The following HS6ST2 variants were observed in gnomAD, a reference collection of about 807,000 sequenced individuals.
HS6ST2 encodes the protein heparan sulfate 6-O-sulfotransferase 2, also known as heparan-sulfate 6-O-sulfotransferase 2.
In HS6ST2, 17 loss-of-function variants were observed where a neutral mutation model predicts 33.0. That is an observed-to-expected ratio of 0.52 (90% CI 0.35 to 0.77). The LOEUF (loss-of-function observed/expected upper bound fraction) is 0.77. Ranked by LOEUF, HS6ST2 falls within the 30% of genes least tolerant of loss-of-function variation. The pLI, the probability that HS6ST2 is intolerant of heterozygous loss-of-function variation, is 0.01. For synonymous variants in HS6ST2, 248 were observed against 237.1 expected (o/e 1.05, Z -0.42); for missense variants, 519 against 551.7 (o/e 0.94, Z 0.59).
At chrX:132,680,882 C>T (rs957345089) in intron 3 of HS6ST2, among the ~76,000 whole-genome samples, 1 of 110,225 alleles carries the variant, frequency 9.1e-6, no homozygotes, top group Non-Finnish European at 1.9e-5. Context: ...GCCTGTATTC[C>T]CAGCTACTTG....
intron 2 of HS6ST2, among the ~76,000 whole-genome samples, chrX:132,767,189 C>CG: frequency 8.9e-6 from 1 of 112,461 alleles, no homozygotes; most frequent in South Asian, 3.7e-4. Context: ...CAAGGGGCAA[C>CG]GCCACCGCTG....
intron 2 of HS6ST2, among the ~76,000 whole-genome samples, chrX:132,771,304 T>C (rs2064896645): frequency 8.9e-6 from 1 of 112,200 alleles, no homozygotes; most frequent in Middle Eastern, 4.6e-3. Context: ...TAGTATTTTA[T>C]GGATGTTTAA....
chrX:132,640,381 G>C (rs2063593779), intron 4 of HS6ST2, among the ~76,000 whole-genome samples: 1 of 111,130 alleles, frequency 9.0e-6, no homozygotes, highest in Non-Finnish European at 1.9e-5. Flanking sequence ...GTGCGTGTAT[G>C]GTGGTGGGGT....
chrX:132,921,787 A>C (rs1303142941), intron 2 of HS6ST2, among the ~76,000 whole-genome samples: 2 of 112,202 alleles, frequency 1.8e-5, no homozygotes, highest in Non-Finnish European at 3.8e-5. Context: ...TCCTGCTTTC[A>C]TCCTGGAGTT....
At chrX:132,684,855 G>C (rs1004591426) in intron 3 of HS6ST2, among the ~76,000 whole-genome samples, 1 of 111,741 alleles carries the variant, frequency 8.9e-6, no homozygotes, top group Admixed American at 9.5e-5. Flanking sequence ...TCTAGCACTT[G>C]TTTTCTTTTA....
chrX:132,840,157 T>A (rs1411642078), intron 2 of HS6ST2, among the ~76,000 whole-genome samples: 1 of 111,377 alleles, frequency 9.0e-6, no homozygotes, highest in African/African-American at 3.3e-5. Flanking sequence ...GCAGAAGTAG[T>A]AAGAGCAGCT....
intron 2 of HS6ST2, among the ~76,000 whole-genome samples, chrX:132,880,616 C>CT (rs200378896): frequency 1.9e-5 from 2 of 107,665 alleles, no homozygotes; most frequent in African/African-American, 6.7e-5. Flanking sequence ...TAACCAACAA[C>CT]TTTTTTTTTC....
At chrX:132,904,904 G>C (rs763708309) in intron 2 of HS6ST2, among the ~76,000 whole-genome samples, 39 of 110,287 alleles carry the variant, frequency 3.5e-4, no homozygotes, top group Non-Finnish European at 4.4e-4. Flanking sequence ...CAGTACCAAG[G>C]CTTGGTGCTT....
At position 132,826,060 on chromosome X, in the gene HS6ST2, C is replaced by T. The variant is rs188109274; in HGVS notation, c.948-117566G>A. Among the ~76,000 whole-genome samples the T allele has an allele frequency of 5.3e-5, 6 of 112,485 alleles. No homozygotes were observed. The East Asian group carries it at 1.7e-3, about 32-fold the overall frequency. On this transcript the variant is annotated intron_variant, in intron 2 of 4. Transcript: ENST00000370833. Reference sequence around the variant, plus strand: ...AGTCCTAAGCTGCCAGAATCACTTGCTTGAGAATTAATCACAAAAACTGCC... The same window carrying T: ...AGTCCTAAGCTGCCAGAATCACTTGTTTGAGAATTAATCACAAAAACTGCC...
At chrX:132,814,214 G>A (rs187623187) in intron 2 of HS6ST2, among the ~76,000 whole-genome samples, 3 of 112,285 alleles carry the variant, frequency 2.7e-5, no homozygotes, top group African/African-American at 9.7e-5. Context: ...AAAGTGCTGG[G>A]ATTATAGGCG....
At chrX:132,862,368 A>G (rs1033551041) in intron 2 of HS6ST2, among the ~76,000 whole-genome samples, 3 of 112,205 alleles carry the variant, frequency 2.7e-5, no homozygotes, top group African/African-American at 9.7e-5. Flanking sequence ...ATTTGGATAC[A>G]AAAAGAGCAG....
intron 2 of HS6ST2, among the ~76,000 whole-genome samples, chrX:132,714,290 A>G (rs2064255357): frequency 9.0e-6 from 1 of 110,887 alleles, no homozygotes; most frequent in Non-Finnish European, 1.9e-5. Flanking sequence ...GTGTTGGACT[A>G]GCTGATTTCC....
intron 3 of HS6ST2, among the ~76,000 whole-genome samples, chrX:132,698,750 C>T (rs2064121424): frequency 9.0e-6 from 1 of 111,580 alleles, no homozygotes; most frequent in African/African-American, 3.3e-5. Context: ...CTATCTAGCA[C>T]TCCACTTAAT....
At chrX:132,795,898 C>T (rs903992805) in intron 2 of HS6ST2, among the ~76,000 whole-genome samples, 2 of 111,770 alleles carry the variant, frequency 1.8e-5, no homozygotes, top group African/African-American at 6.5e-5. Context: ...CATGCACTAC[C>T]GCACCCAGCC....
chrX:132,769,788 C>T (rs1299167622), intron 2 of HS6ST2, among the ~76,000 whole-genome samples: 1 of 110,328 alleles, frequency 9.1e-6, no homozygotes, highest in Admixed American at 9.6e-5. Flanking sequence ...TCAGAACTTG[C>T]AATTGCTTTG....
At chrX:132,794,403 T>G (rs1476199371) in intron 2 of HS6ST2, among the ~76,000 whole-genome samples, 1 of 110,955 alleles carries the variant, frequency 9.0e-6, no homozygotes, top group Non-Finnish European at 1.9e-5. Flanking sequence ...TATTTATTTA[T>G]TTATTTTTGA....
At chrX:132,939,984 T>A (rs1283375114) in intron 2 of HS6ST2, among the ~76,000 whole-genome samples, 1 of 111,826 alleles carries the variant, frequency 8.9e-6, no homozygotes, top group African/African-American at 3.2e-5. Context: ...GTGCCAAGAA[T>A]AGCCAAAACA....
At chrX:132,868,555 A>C (rs1369665526) in intron 2 of HS6ST2, among the ~76,000 whole-genome samples, 1 of 112,156 alleles carries the variant, frequency 8.9e-6, no homozygotes, top group Non-Finnish European at 1.9e-5. Context: ...GCAAATGCAA[A>C]AGAACAGAAA....
intron 2 of HS6ST2, among the ~76,000 whole-genome samples, chrX:132,800,193 GC>G (rs962861415): frequency 3.6e-5 from 4 of 111,496 alleles, no homozygotes; most frequent in African/African-American, 6.5e-5. Context: ...GCTCTGTTCT[GC>G]CTCCAGTCAG....
Sources: allele counts gnomAD v4.1 joint callset (sites outside exome capture counted in the v4.1 genomes callset), GRCh38; gene constraint gnomAD v4.1.1; transcripts MANE v1.5; gene names NCBI Gene and HGNC (gene_info 2026-07-23, HGNC 2026-07-21).